The following SFMBT1 variants were observed in gnomAD, a reference collection of about 807,000 sequenced individuals.
SFMBT1 encodes scm-like with four MBT domains protein 1.
In SFMBT1, 32 loss-of-function variants were observed where a neutral mutation model predicts 108.7. The ratio of observed to expected loss-of-function variants is 0.29; its 90% CI spans 0.22 to 0.40. The LOEUF (loss-of-function observed/expected upper bound fraction) is 0.40, where lower values mean the gene tolerates loss of function less well. Ranked by LOEUF, SFMBT1 falls within the 10% of genes least tolerant of loss-of-function variation. The probability of loss-of-function intolerance (pLI) is 1.00; values close to 1 mark genes in which losing one functional copy is unlikely to be tolerated. For synonymous variants in SFMBT1, 348 were observed against 369.5 expected (o/e 0.94, Z 0.67); for missense variants, 816 against 1,059.6 (o/e 0.77, Z 3.19).
intron 3 of SFMBT1, among the ~76,000 whole-genome samples, chr3:52,950,129 C>T (rs1314545739): frequency 2.0e-5 from 3 of 152,204 alleles, no homozygotes; most frequent in Non-Finnish European, 2.9e-5. Context: ...TAATATCTAC[C>T]ATATATGTTA....
At chr3:52,959,310 T>A (rs997914528) in intron 2 of SFMBT1, among the ~76,000 whole-genome samples, 18 of 152,120 alleles carry the variant, frequency 1.2e-4, no homozygotes, top group Non-Finnish European at 1.5e-5. Context: ...TCAAATCGAA[T>A]CACTTCCCAC....
chr3:52,916,002 A>T, intron 14 of SFMBT1, 148 bp downstream of exon 14: 1 of 603,506 alleles, frequency 1.7e-6, no homozygotes, highest in Non-Finnish European at 2.9e-6. Context: ...AACACATCTT[A>T]GACAGTTATA....
chr3:52,954,305 G>A lies in SFMBT1; in HGVS notation c.123+12C>T, dbSNP rs1343178025. The A allele has an allele frequency of 5.1e-6, 8 of 1,583,872 alleles. No individual in the cohort carries two copies. The highest frequency in any genetic ancestry group is 1.7e-5 in the Admixed American group (1 of 58,758). ...ATATAACACCAGTAAGGCAAATATA[G>A]TTATTGCTTACATGTTTAAAAGACC... On this transcript the variant is annotated intron_variant, in intron 3 of 20. Transcript: ENST00000394752.
chr3:53,044,648 G>A (rs1018155463), intron 1 of SFMBT1, among the ~76,000 whole-genome samples: 1 of 152,224 alleles, frequency 6.6e-6, no homozygotes, highest in African/African-American at 2.4e-5. Flanking sequence ...TGACATCTTA[G>A]AAAATGTGGT....
chr3:52,911,415 C>T (rs1009863864), intron 16 of SFMBT1, among the ~76,000 whole-genome samples: 1 of 152,162 alleles, frequency 6.6e-6, no homozygotes, highest in African/African-American at 2.4e-5. Flanking sequence ...AATTAAGCTC[C>T]TGCTTTCTGT....
chr3:52,967,735 G>A (rs936177232), intron 2 of SFMBT1, among the ~76,000 whole-genome samples: 2 of 152,156 alleles, frequency 1.3e-5, no homozygotes, highest in Non-Finnish European at 2.9e-5. Context: ...AATATCACTG[G>A]CGGCCATGAG....
chr3:52,907,153 C>G lies in SFMBT1; in HGVS notation c.2247G>C (p.Ser749=). ...TTCTCCTTTGTCTATCTGGAGGCAG[C>G]GATGTGGATATCTCACTTTGGGTGG... ...SSPTQSEIST[S]LPPDRQRRKR... Residue 749 remains serine (S), a synonymous_variant, in exon 19 of 21, where the codon TCG becomes TCC. Transcript: ENST00000394752. The G allele has an allele frequency of 6.2e-7, 1 of 1,614,118 alleles. No homozygotes were observed.
rs538634828 is a variant in SFMBT1, at chr3:52,999,436, T to C, written c.-130-30178A>G. On this transcript the variant is annotated intron_variant, in intron 1 of 20. Transcript: ENST00000394752. ...GCATTCCAGGGTGGGGCAGGGAGGC[T>C]GGATTCTGAGAGAGCTGCTTCCGGA... is the stretch of plus-strand genomic sequence containing the variant. Among the ~76,000 whole-genome samples the C allele has an allele frequency of 8.0e-5, 12 of 150,444 alleles. 1 individual carries two copies. The South Asian group carries it at 2.3e-3, about 29-fold the overall frequency.
chr3:52,983,465 G>A (rs1437241453), intron 1 of SFMBT1, among the ~76,000 whole-genome samples: 5 of 152,188 alleles, frequency 3.3e-5, no homozygotes, highest in East Asian at 1.9e-4. Context: ...CTTCAACTGC[G>A]TGTGGGGTCA....
At chr3:52,944,105 C>A (rs1474545013) in intron 3 of SFMBT1, among the ~76,000 whole-genome samples, 1 of 152,166 alleles carries the variant, frequency 6.6e-6, no homozygotes, top group Non-Finnish European at 1.5e-5. Flanking sequence ...CTTTCCCTCT[C>A]AAAAGTGTTC....
intron 1 of SFMBT1, among the ~76,000 whole-genome samples, chr3:52,981,080 T>C (rs1224493105): frequency 6.6e-6 from 1 of 151,450 alleles, no homozygotes; most frequent in African/African-American, 2.4e-5. Flanking sequence ...GAGAATCACT[T>C]GAACCTGGGA....
chr3:53,001,925 TCACACA>T (rs59572829), intron 1 of SFMBT1, among the ~76,000 whole-genome samples: 4,776 of 129,176 alleles, frequency 0.037, 361 homozygotes, highest in African/African-American at 0.11. Context: ...ACCCAGTCTC[TCACACA>T]CACACACACA....
chr3:52,949,568 CTTTTTTTTTT>C (rs59842273), intron 3 of SFMBT1, among the ~76,000 whole-genome samples: 12 of 77,414 alleles, frequency 1.6e-4, no homozygotes, highest in Middle Eastern at 7.2e-3. Context: ...TAATGTCCTT[CTTTTTTTTTT>C]TTTTTTTTTT....
At chr3:52,919,679 C>T (rs548669913) in intron 12 of SFMBT1, among the ~76,000 whole-genome samples, 2 of 152,214 alleles carry the variant, frequency 1.3e-5, no homozygotes, top group African/African-American at 4.8e-5. Context: ...TGGCTTCCAT[C>T]TTCCTCAACC....
At position 52,921,580 on chromosome 3, in the gene SFMBT1, C is replaced by G. The variant is rs1702520174; in HGVS notation, c.1258+125G>C. Reference sequence around the variant, plus strand: ...ATATTTCGCTTAGAGTCTTGCATTACAAAAGTCTCTGAACAAGATCCCTAT... The same window carrying G: ...ATATTTCGCTTAGAGTCTTGCATTAGAAAAGTCTCTGAACAAGATCCCTAT... On this transcript the variant is annotated intron_variant, in intron 11 of 20. Transcript: ENST00000394752. 5 of 1,099,614 alleles carry G rather than the reference C, an allele frequency of 4.5e-6. No individual in the cohort carries two copies. The African/African-American group carries it at 8.0e-5, about 18-fold the overall frequency. 68.1% of individuals were successfully genotyped at this position (1,099,614 alleles called of 1,614,324 possible).
At chr3:52,951,983 A>T (rs1461140575) in intron 3 of SFMBT1, among the ~76,000 whole-genome samples, 1 of 152,230 alleles carries the variant, frequency 6.6e-6, no homozygotes, top group East Asian at 1.9e-4. Context: ...AATTCTCACC[A>T]CTTTAAGAGA....
At chr3:52,944,236 T>A (rs1337338962) in intron 3 of SFMBT1, among the ~76,000 whole-genome samples, 5 of 152,192 alleles carry the variant, frequency 3.3e-5, no homozygotes, top group Non-Finnish European at 7.3e-5. Context: ...GCCAGGTTTC[T>A]CACCATGGGA....
intron 3 of SFMBT1, among the ~76,000 whole-genome samples, chr3:52,945,421 G>T (rs1703333577): frequency 1.3e-5 from 2 of 151,606 alleles, no homozygotes; most frequent in South Asian, 4.2e-4. Context: ...GGGGAGAGGG[G>T]ACAGATCTTC....
At chr3:52,940,613 T>C (rs976061738) in intron 4 of SFMBT1, among the ~76,000 whole-genome samples, 1 of 152,068 alleles carries the variant, frequency 6.6e-6, no homozygotes, top group Non-Finnish European at 1.5e-5. Context: ...AATTAAGAAA[T>C]GTAGAAGAAA....
Sources: allele counts gnomAD v4.1 joint callset (sites outside exome capture counted in the v4.1 genomes callset), GRCh38; gene constraint gnomAD v4.1.1; transcripts MANE v1.5; gene names NCBI Gene and HGNC (gene_info 2026-07-23, HGNC 2026-07-21).